RABGAP1: variants seen among roughly 807,000 people sequenced by gnomAD.
The protein encoded by RABGAP1 is RAB GTPase activating protein 1, also known as rab GTPase-activating protein 1.
A neutral mutation model predicts 137.6 loss-of-function variants in RABGAP1; 23 were observed. That is an observed-to-expected ratio of 0.17 (90% CI 0.12 to 0.24). RABGAP1 has a LOEUF of 0.24. Among genes scored for constraint, RABGAP1 ranks in the 10% least tolerant of loss-of-function variants. The pLI, the probability that RABGAP1 is intolerant of heterozygous loss-of-function variation, is 1.00. For synonymous variants in RABGAP1, 451 were observed against 450.7 expected (o/e 1.00, Z -0.01); for missense variants, 906 against 1,275.8 (o/e 0.71, Z 4.42).
At chr9:123,054,476 A>G (rs189849939) in intron 13 of RABGAP1, among the ~76,000 whole-genome samples, 140 of 152,346 alleles carry the variant, frequency 9.2e-4, no homozygotes, top group African/African-American at 3.2e-3. Context: ...TTACAGAAAT[A>G]CTGTAAAAAT....
intron 15 of RABGAP1, among the ~76,000 whole-genome samples, chr9:123,072,826 C>A (rs1260481075): frequency 6.6e-6 from 1 of 152,196 alleles, no homozygotes. Flanking sequence ...TGCCCACCTT[C>A]TTGACTTTTT....
At chr9:123,035,638 CCGTGTG>C in intron 13 of RABGAP1, 1 of 1,159,200 alleles carries the variant, frequency 8.6e-7, no homozygotes, top group Non-Finnish European at 1.2e-6. Flanking sequence ...TACGGGGTTC[CCGTGTG>C]TGTGTGTGTG....
chr9:123,060,301 C>G (rs1402214184), intron 13 of RABGAP1, among the ~76,000 whole-genome samples: 1 of 152,180 alleles, frequency 6.6e-6, no homozygotes, highest in African/African-American at 2.4e-5. Context: ...GATTTCCCTC[C>G]CACCCCCAGG....
At chr9:123,047,950 T>C (rs1316353639) in intron 13 of RABGAP1, among the ~76,000 whole-genome samples, 1 of 101,426 alleles carries the variant, frequency 9.9e-6, no homozygotes, top group African/African-American at 6.4e-5. Flanking sequence ...TTTTTTTTTT[T>C]TTTTTGAGAC....
At chr9:122,991,280 A>G (rs1836708820) in intron 6 of RABGAP1, among the ~76,000 whole-genome samples, 1 of 152,156 alleles carries the variant, frequency 6.6e-6, no homozygotes. Context: ...TTTTAAAATT[A>G]CAGCCCATGT....
Position 123,010,426 on chromosome 9 carries a change from A to C in RABGAP1, c.1447A>C (p.Arg483=). The C allele has an allele frequency of 6.2e-7, 1 of 1,613,928 alleles. No homozygotes were observed. Among genetic ancestry groups the C allele is most frequent in the Non-Finnish European group, 8.5e-7 (1 of 1,179,806 alleles). Residue 483 remains arginine (R), a synonymous_variant, in exon 11 of 26, where the codon AGA becomes CGA. Transcript: ENST00000373647. ...TGTATGCTTGGAAAGTGAATCAGAAAGAGAGAGGAGGAAAACTACAGCCAG... is the reference window on the plus strand; with the variant it reads ...TGTATGCTTGGAAAGTGAATCAGAACGAGAGAGGAGGAAAACTACAGCCAG... The part of the protein sequence containing the change: ...EVVCLESESE[R]ERRKTTASPS...
chr9:122,982,422 C>A (rs1053605172), intron 2 of RABGAP1, among the ~76,000 whole-genome samples: 2 of 152,200 alleles, frequency 1.3e-5, no homozygotes, highest in Admixed American at 1.3e-4. Context: ...CCTATCCCAA[C>A]AGAAAACTTA....
At chr9:123,038,895 A>T (rs993645538) in intron 13 of RABGAP1, among the ~76,000 whole-genome samples, 3 of 152,198 alleles carry the variant, frequency 2.0e-5, no homozygotes, top group African/African-American at 7.2e-5. Flanking sequence ...AACTGAGAAT[A>T]AAAAAATGTA....
At position 122,990,786 on chromosome 9, in the gene RABGAP1, AAAAAAAAAAAATATATATATATAT is replaced by A. The variant is rs1332108066; in HGVS notation, c.923+575_923+598del. ...CTCCGTCTCAAAAAAAAAAAAAAAAAAAAAAAAAAAATATATATATATATATATATATATATATATATATATATA... is the reference window on the plus strand; with the variant it reads ...CTCCGTCTCAAAAAAAAAAAAAAAAAATATATATATATATATATATATATA... On this transcript the variant is annotated intron_variant, in intron 6 of 25. Coordinates refer to ENST00000373647, the MANE Select transcript of RABGAP1 (RefSeq NM_012197.4). The A allele has an allele frequency of 6.1e-4, 49 of 80,696 alleles. 1 individual carries two copies. The East Asian group carries it at 0.021, about 35-fold the overall frequency. 5.0% of individuals were successfully genotyped at this position (80,696 alleles called of 1,614,324 possible).
At chr9:123,079,612 T>G (rs2034645914) in intron 19 of RABGAP1, among the ~76,000 whole-genome samples, 1 of 151,836 alleles carries the variant, frequency 6.6e-6, no homozygotes, top group South Asian at 2.1e-4. Flanking sequence ...GATTTTAGAG[T>G]TTTTCCTTAA....
At chr9:123,066,561 C>T (rs541836702) in intron 14 of RABGAP1, among the ~76,000 whole-genome samples, 1 of 152,270 alleles carries the variant, frequency 6.6e-6, no homozygotes, top group South Asian at 2.1e-4. Context: ...CCTCTCATGC[C>T]TTCACTGACT....
At chr9:123,067,096 T>C (rs1446952577) in intron 14 of RABGAP1, among the ~76,000 whole-genome samples, 1 of 152,236 alleles carries the variant, frequency 6.6e-6, no homozygotes, top group Non-Finnish European at 1.5e-5. Context: ...ATATCCTTAA[T>C]ACGGCTAGTT....
intron 16 of RABGAP1, among the ~76,000 whole-genome samples, chr9:123,073,996 G>A (rs551185458): frequency 2.7e-4 from 41 of 152,278 alleles, no homozygotes; most frequent in African/African-American, 7.2e-4. Flanking sequence ...CATAACAAAA[G>A]TGAAACAAAC....
chr9:123,019,110 A>C (rs1429908386), intron 12 of RABGAP1, among the ~76,000 whole-genome samples: 1 of 152,214 alleles, frequency 6.6e-6, no homozygotes, highest in Non-Finnish European at 1.5e-5. Flanking sequence ...ATTTATACCA[A>C]CATTTCAAGG....
chr9:122,984,736 T>C lies in RABGAP1; in HGVS notation c.385+17T>C, dbSNP rs762085074. ...GACAAGGAGGTTAGGATTGCTGCATTGCTTGCGTAACTGAAGGTTATTGTT... is the reference window on the plus strand; with the variant it reads ...GACAAGGAGGTTAGGATTGCTGCATCGCTTGCGTAACTGAAGGTTATTGTT... On this transcript the variant is annotated intron_variant, in intron 3 of 25. Transcript: ENST00000373647. 5 of 1,604,514 alleles carry C rather than the reference T, an allele frequency of 3.1e-6. No individual in the cohort carries two copies. The highest frequency in any genetic ancestry group is 4.3e-6 in the Non-Finnish European group (5 of 1,171,786).
Position 123,065,320 on chromosome 9 carries a change from A to G in RABGAP1, c.1795-28A>G, listed in dbSNP as rs1459320603. 2.7e-6 allele frequency: 4 copies of G among 1,495,582 alleles called. No individual in the cohort carries two copies. In the East Asian group the frequency reaches 9.0e-5, roughly 34 times the overall value. 92.6% of individuals were successfully genotyped at this position (1,495,582 alleles called of 1,614,324 possible). On this transcript the variant is annotated intron_variant, in intron 13 of 25. Coordinates refer to ENST00000373647, the MANE Select transcript of RABGAP1 (RefSeq NM_012197.4). ...AGAGTTTACATGATTAACCTAACTA[A>G]ACCCTCTCTTTCCTTATGTTTCCAC...
intron 19 of RABGAP1, among the ~76,000 whole-genome samples, chr9:123,081,738 G>T (rs2034715022): frequency 6.6e-6 from 1 of 152,046 alleles, no homozygotes; most frequent in Non-Finnish European, 1.5e-5. Flanking sequence ...CCACTGCGCC[G>T]ACCATTGTTG....
chr9:123,060,027 T>G (rs902504995), intron 13 of RABGAP1, among the ~76,000 whole-genome samples: 3 of 152,182 alleles, frequency 2.0e-5, no homozygotes, highest in Admixed American at 6.5e-5. Context: ...TCAGTGATGA[T>G]TCATGGTAGC....
At chr9:122,946,382 A>T (rs1328149684) in intron 1 of RABGAP1, among the ~76,000 whole-genome samples, 1 of 152,148 alleles carries the variant, frequency 6.6e-6, no homozygotes, top group African/African-American at 2.4e-5. Context: ...GAATAGATTC[A>T]TTTTCTTTAT....
Sources: gnomAD v4.1 joint callset for allele counts (sites outside exome capture counted in the v4.1 genomes callset) on GRCh38, gnomAD v4.1.1 for gene constraint, MANE v1.5 for transcripts, NCBI Gene and HGNC (gene_info 2026-07-23, HGNC 2026-07-21) for gene names.